COL21A1: variants seen among roughly 807,000 people sequenced by gnomAD.
COL21A1 encodes collagen type XXI alpha 1 chain, also known as collagen alpha-1(XXI) chain.
A neutral mutation model predicts 137.9 loss-of-function variants in COL21A1; 149 were observed. That is an observed-to-expected ratio of 1.08 (90% CI 0.95 to 1.24). The LOEUF is 1.24. Ranked by LOEUF, COL21A1 falls within the 50% of genes most tolerant of loss-of-function variation. COL21A1 has a pLI of 0.00. For synonymous variants in COL21A1, 456 were observed against 391.5 expected (o/e 1.16, Z -1.95); for missense variants, 1,167 against 1,158.4 (o/e 1.01, Z -0.11).
intron 29 of COL21A1, among the ~76,000 whole-genome samples, chr6:56,058,136 G>A (rs566267913): frequency 6.6e-6 from 1 of 152,038 alleles, no homozygotes; most frequent in South Asian, 2.1e-4. Flanking sequence ...TCCATTTTGT[G>A]TATTGTCCAA....
In COL21A1 at chr6:56,057,402, T is replaced by A; in HGVS notation, c.*255A>T. The A allele has an allele frequency of 2.4e-6, 1 of 423,240 alleles. No individual in the cohort carries two copies. The allele number at this position is 423,240 out of a possible 1,614,324, so 26.2% of individuals were successfully genotyped here. ...CAATGGTGGATTTTTATATTCAACT[T>A]TGATTAACATAAATGGACTTTACAA... On this transcript the variant is annotated 3_prime_UTR_variant, in exon 30 of 30. Transcript: ENST00000244728.
intron 1 of COL21A1, among the ~76,000 whole-genome samples, chr6:56,273,630 T>C (rs559674321): frequency 2.1e-4 from 32 of 152,246 alleles, no homozygotes; most frequent in African/African-American, 7.0e-4. Context: ...CTAAAGGATA[T>C]GGATAAATTC....
chr6:56,298,139 A>G (rs1044849462), intron 1 of COL21A1, among the ~76,000 whole-genome samples: 11 of 151,632 alleles, frequency 7.3e-5, no homozygotes, highest in African/African-American at 2.4e-4. Flanking sequence ...CATGGTTGTC[A>G]CCAAGCAAGT....
At chr6:56,119,784 G>A (rs7752173) in intron 16 of COL21A1, among the ~76,000 whole-genome samples, 9 of 152,048 alleles carry the variant, frequency 5.9e-5, no homozygotes, top group Non-Finnish European at 1.2e-4. Context: ...TTTTGACAAA[G>A]ATTCCGAGAA....
intron 5 of COL21A1, among the ~76,000 whole-genome samples, chr6:56,169,541 T>A (rs375471611): frequency 2.0e-5 from 3 of 151,854 alleles, no homozygotes; most frequent in East Asian, 3.9e-4. Flanking sequence ...CTTCCATGCA[T>A]CTTATACTGT....
At chr6:56,157,302 T>C (rs1348734488) in intron 9 of COL21A1, among the ~76,000 whole-genome samples, 1 of 137,938 alleles carries the variant, frequency 7.2e-6, no homozygotes, top group Admixed American at 8.0e-5. Flanking sequence ...ATTTGACTCA[T>C]AAGACTTTTT....
chr6:56,170,273 C>T (rs552867371), intron 5 of COL21A1, among the ~76,000 whole-genome samples: 13 of 151,782 alleles, frequency 8.6e-5, no homozygotes, highest in African/African-American at 2.7e-4. Context: ...GTCAACTAGA[C>T]CAAAATTTAA....
intron 3 of COL21A1, 55 bp downstream of exon 3, chr6:56,179,523 A>G (rs1777735951): frequency 1.5e-6 from 2 of 1,339,254 alleles, no homozygotes; most frequent in Admixed American, 2.4e-5. Context: ...ATCAAAATGT[A>G]AAAAGCACAA....
At position 56,098,540 on chromosome 6, in the gene COL21A1, AATATATAAAT is replaced by A. The variant is rs1562193033; in HGVS notation, c.1812+2922_1812+2931del. Among the ~76,000 whole-genome samples, 17 of 9,352 alleles carry A rather than the reference AATATATAAAT, an allele frequency of 1.8e-3. 1 individual carries two copies. The highest frequency in any genetic ancestry group is 0.01 in the African/African-American group (15 of 1,488). The allele number at this position is 9,352 out of a possible 152,430, so 6.1% of individuals were successfully genotyped here. The stretch of plus-strand genomic sequence containing the variant: ...ATATAAATATATAAATATATATATA[AATATATAAAT>A]ATATATAAATATATAAATATATATA... On this transcript the variant is annotated intron_variant, in intron 17 of 29. Transcript: ENST00000244728.
At chr6:56,070,887 A>G in intron 20 of COL21A1, 89 bp from the exon 21 acceptor site, 1 of 1,001,996 alleles carries the variant, frequency 1.0e-6, no homozygotes, top group African/African-American at 1.7e-5. Context: ...TATATGTAAA[A>G]TAACTTTTAC....
chr6:56,203,363 T>A (rs1779532918), intron 1 of COL21A1, among the ~76,000 whole-genome samples: 1 of 151,724 alleles, frequency 6.6e-6, no homozygotes, highest in African/African-American at 2.4e-5. Context: ...AAAAGAGGAG[T>A]CAGTGAAAGG....
At chr6:56,258,364 T>G (rs1209274983) in intron 1 of COL21A1, among the ~76,000 whole-genome samples, 1 of 152,120 alleles carries the variant, frequency 6.6e-6, no homozygotes. Context: ...ACTTAGCAAA[T>G]GCATGCTGCC....
rs1440081719 is a variant in COL21A1, at chr6:56,163,651, G to A, written c.1371+772C>T. On this transcript the variant is annotated intron_variant, in intron 9 of 29. Coordinates refer to ENST00000244728, the MANE Select transcript of COL21A1 (RefSeq NM_030820.4). ...TTGAACCCGGGAGGCGGAGCTTGCA[G>A]TGAGCCCAGATTGCGCCACTGCACT... Among the ~76,000 whole-genome samples, 7 of 151,296 alleles carry A rather than the reference G, an allele frequency of 4.6e-5. No homozygotes were observed. The South Asian group carries it at 8.3e-4, about 18-fold the overall frequency.
At chr6:56,145,857 A>ATT (rs71787689) in intron 10 of COL21A1, among the ~76,000 whole-genome samples, 24 of 146,586 alleles carry the variant, frequency 1.6e-4, no homozygotes, top group Admixed American at 3.4e-4. Flanking sequence ...TAAATGAGTC[A>ATT]TTTTTTTTTT....
intron 1 of COL21A1, among the ~76,000 whole-genome samples, chr6:56,308,094 T>C (rs562640377): frequency 6.6e-6 from 1 of 152,326 alleles, no homozygotes; most frequent in Admixed American, 6.5e-5. Context: ...TAAATCCTTA[T>C]TGCGGTGGTA....
chr6:56,327,527 G>A (rs1009158623), intron 1 of COL21A1, among the ~76,000 whole-genome samples: 1 of 151,946 alleles, frequency 6.6e-6, no homozygotes, highest in Non-Finnish European at 1.5e-5. Context: ...ATGCCTACAT[G>A]TGGTGTAGGG....
chr6:56,119,788 C>T lies in COL21A1; in HGVS notation c.1758+4274G>A, dbSNP rs9464344. Among the ~76,000 whole-genome samples, 806 of 152,140 alleles carry T rather than the reference C, an allele frequency of 5.3e-3. 9 individuals carry two copies. The highest frequency in any genetic ancestry group is 0.018 in the African/African-American group (752 of 41,510). On this transcript the variant is annotated intron_variant, in intron 16 of 29. Coordinates refer to ENST00000244728, the MANE Select transcript of COL21A1 (RefSeq NM_030820.4). ...AGTGAACTCATTTTTGACAAAGATT[C>T]CGAGAACATACACTAGGGAAAAGAC...
At chr6:56,366,091 C>G (rs1766092280) in intron 1 of COL21A1, among the ~76,000 whole-genome samples, 1 of 152,136 alleles carries the variant, frequency 6.6e-6, no homozygotes, top group South Asian at 2.1e-4. Flanking sequence ...AGCATTTACC[C>G]TTGTATGTTA....
intron 15 of COL21A1, 41 bp from the exon 16 acceptor site, chr6:56,124,156 A>G: frequency 6.5e-7 from 1 of 1,532,774 alleles, no homozygotes; most frequent in Non-Finnish European, 8.8e-7. Flanking sequence ...TTTTTGCACT[A>G]ATTTTTTCTC....
Sources: gnomAD v4.1 joint callset for allele counts (sites outside exome capture counted in the v4.1 genomes callset) on GRCh38, gnomAD v4.1.1 for gene constraint, MANE v1.5 for transcripts, NCBI Gene and HGNC (gene_info 2026-07-23, HGNC 2026-07-21) for gene names.